The following DOK5 variants were observed in gnomAD, a reference collection of about 807,000 sequenced individuals.
The protein encoded by DOK5 is downstream of tyrosine kinase 5.
A neutral mutation model predicts 43.3 loss-of-function variants in DOK5; 27 were observed. That is an observed-to-expected ratio of 0.62 (90% CI 0.46 to 0.86). DOK5 has a LOEUF of 0.86. DOK5 is among the 40% of genes least tolerant of loss of function. DOK5 has a pLI of 0.00. For synonymous variants in DOK5, 146 were observed against 140.1 expected (o/e 1.04, Z -0.30); for missense variants, 373 against 392.9 (o/e 0.95, Z 0.43).
At chr20:54,589,280 A>C (rs1162020612) in intron 4 of DOK5, among the ~76,000 whole-genome samples, 1 of 152,172 alleles carries the variant, frequency 6.6e-6, no homozygotes, top group Non-Finnish European at 1.5e-5. Context: ...TGTCATGGGC[A>C]TTTTTTGGTC....
chr20:54,623,164 G>A (rs969622068), intron 6 of DOK5, among the ~76,000 whole-genome samples: 1 of 152,164 alleles, frequency 6.6e-6, no homozygotes, highest in African/African-American at 2.4e-5. Flanking sequence ...GGCAGTATCT[G>A]GAGTCATTTC....
At chr20:54,640,132 G>A (rs886266444) in intron 6 of DOK5, among the ~76,000 whole-genome samples, 7 of 152,144 alleles carry the variant, frequency 4.6e-5, no homozygotes, top group African/African-American at 9.7e-5. Context: ...AAAGGAAAGC[G>A]GAGGACCCAG....
intron 1 of DOK5, among the ~76,000 whole-genome samples, chr20:54,477,125 C>A (rs998445440): frequency 6.6e-6 from 1 of 152,046 alleles, no homozygotes; most frequent in Non-Finnish European, 1.5e-5. Flanking sequence ...GTGTGGAATG[C>A]CGCCATTGAT....
chr20:54,592,362 T>A (rs1363489676), intron 5 of DOK5, among the ~76,000 whole-genome samples: 1 of 152,118 alleles, frequency 6.6e-6, no homozygotes, highest in Non-Finnish European at 1.5e-5. Flanking sequence ...CTTTCCGGGT[T>A]TTCTCTTTTT....
intron 2 of DOK5, among the ~76,000 whole-genome samples, chr20:54,584,021 A>G (rs985660718): frequency 5.3e-5 from 8 of 151,706 alleles, no homozygotes; most frequent in Non-Finnish European, 1.2e-4. Flanking sequence ...ACGGTGGTGC[A>G]CACCTATAGT....
chr20:54,550,614 A>G (rs1393765351), intron 1 of DOK5, among the ~76,000 whole-genome samples: 2 of 152,208 alleles, frequency 1.3e-5, no homozygotes, highest in African/African-American at 2.4e-5. Context: ...GACATCAAGA[A>G]TGCTATACAA....
intron 1 of DOK5, among the ~76,000 whole-genome samples, chr20:54,544,108 A>G (rs1209358641): frequency 6.6e-6 from 1 of 152,186 alleles, no homozygotes; most frequent in East Asian, 1.9e-4. Context: ...TCTTCTTTAT[A>G]CATATTTTAC....
intron 6 of DOK5, among the ~76,000 whole-genome samples, chr20:54,635,161 C>T (rs1379998005): frequency 6.6e-6 from 1 of 152,186 alleles, no homozygotes; most frequent in African/African-American, 2.4e-5. Flanking sequence ...ACTGACAAAA[C>T]AGACTCTTTG....
intron 2 of DOK5, among the ~76,000 whole-genome samples, chr20:54,561,321 AG>A (rs2146736063): frequency 6.6e-6 from 1 of 152,294 alleles, no homozygotes; most frequent in East Asian, 1.9e-4. Flanking sequence ...TCTGATTTCT[AG>A]TTGGAGACAA....
At position 54,554,954 on chromosome 20, in the gene DOK5, G is replaced by A. The variant is rs1854835368; in HGVS notation, c.88G>A (p.Val30Ile). Reference protein sequence around the residue: ...RLGIYQRCWLVFKKASSKGPK... With the variant: ...RLGIYQRCWLIFKKASSKGPK... ...CCAGATTTATCAGCGATGCTGGTTA[G>A]TATTCAAGAAAGCTTCAAGCAAAGG... The change falls in exon 2 of 8, where the codon GTA becomes ATA. Residue 30 changes from valine (V) to isoleucine (I), a missense_variant. Transcript: ENST00000262593. 2 of 1,613,138 alleles carry A rather than the reference G, an allele frequency of 1.2e-6. No individual in the cohort carries two copies. Among genetic ancestry groups the A allele is most frequent in the African/African-American group, 1.3e-5 (1 of 75,034 alleles).
intron 7 of DOK5, among the ~76,000 whole-genome samples, chr20:54,644,816 C>G (rs1254694389): frequency 6.6e-6 from 1 of 150,840 alleles, no homozygotes; most frequent in Non-Finnish European, 1.5e-5. Context: ...TGCAGTGAGC[C>G]AGAATTGCAC....
chr20:54,633,036 A>C (rs1978643178), intron 6 of DOK5, among the ~76,000 whole-genome samples: 1 of 152,140 alleles, frequency 6.6e-6, no homozygotes, highest in Admixed American at 6.5e-5. Flanking sequence ...GCGCCATTGC[A>C]CTGCAGCCTG....
At chr20:54,549,413 A>G (rs968940962) in intron 1 of DOK5, among the ~76,000 whole-genome samples, 2 of 152,216 alleles carry the variant, frequency 1.3e-5, no homozygotes, top group Non-Finnish European at 2.9e-5. Context: ...ATGTGTTTGT[A>G]TGTTATAGTT....
chr20:54,548,886 T>C (rs1393271825), intron 1 of DOK5, among the ~76,000 whole-genome samples: 1 of 152,222 alleles, frequency 6.6e-6, no homozygotes, highest in African/African-American at 2.4e-5. Context: ...TTTAGTCCTC[T>C]GGATATTGGT....
chr20:54,531,977 G>C (rs1173587298), intron 1 of DOK5, among the ~76,000 whole-genome samples: 2 of 152,138 alleles, frequency 1.3e-5, no homozygotes, highest in African/African-American at 4.8e-5. Context: ...GATGAGAGGG[G>C]CCTCTCATGT....
intron 6 of DOK5, among the ~76,000 whole-genome samples, chr20:54,635,766 ATCT>A: frequency 6.6e-6 from 1 of 152,306 alleles, no homozygotes; most frequent in Middle Eastern, 3.4e-3. Flanking sequence ...CTCAGAATAA[ATCT>A]TCTCAAATAT....
chr20:54,613,205 T>TCTCGTCAC (rs1209059739), intron 6 of DOK5, among the ~76,000 whole-genome samples: 1 of 151,562 alleles, frequency 6.6e-6, no homozygotes, highest in Non-Finnish European at 1.5e-5. Flanking sequence ...TCTCTCTCTC[T>TCTCGTCAC]CTCTCTCTCT....
intron 1 of DOK5, among the ~76,000 whole-genome samples, chr20:54,551,825 GT>G (rs1042287124): frequency 1.3e-5 from 2 of 151,992 alleles, no homozygotes; most frequent in African/African-American, 4.8e-5. Context: ...TAATTTACAG[GT>G]TTTTTGTTTT....
intron 6 of DOK5, among the ~76,000 whole-genome samples, chr20:54,611,260 T>C (rs985357504): frequency 2.6e-5 from 4 of 152,142 alleles, no homozygotes; most frequent in African/African-American, 9.7e-5. Flanking sequence ...TTGGATTACA[T>C]AAATAATTAT....
Sources: gnomAD v4.1 joint callset for allele counts (sites outside exome capture counted in the v4.1 genomes callset) on GRCh38, gnomAD v4.1.1 for gene constraint, MANE v1.5 for transcripts, NCBI Gene and HGNC (gene_info 2026-07-23, HGNC 2026-07-21) for gene names.